Variants in PEBP4 observed in about 807,000 individuals in gnomAD.
The protein encoded by PEBP4 is phosphatidylethanolamine-binding protein 4.
Under a neutral mutation model 23.9 loss-of-function variants are expected in PEBP4, and 22 were observed. The ratio of observed to expected loss-of-function variants is 0.92; its 90% CI spans 0.66 to 1.31. PEBP4 has a LOEUF of 1.31. Ranked by LOEUF, PEBP4 falls within the 40% of genes most tolerant of loss-of-function variation. The pLI is 0.00. For missense variants in PEBP4, 324 were observed against 281.7 expected, an observed-to-expected ratio of 1.15 and a Z score of -1.07; for synonymous variants, 112 against 99.3, an observed-to-expected ratio of 1.13 and a Z score of -0.76.
At chr8:22,910,994 C>T (rs1000688632) in intron 3 of PEBP4, among the ~76,000 whole-genome samples, 10 of 151,828 alleles carry the variant, frequency 6.6e-5, no homozygotes, top group African/African-American at 9.7e-5. Flanking sequence ...ACAAATGCAC[C>T]GCTCTGGTGG....
intron 6 of PEBP4, among the ~76,000 whole-genome samples, chr8:22,716,785 G>A (rs1804428243): frequency 6.6e-6 from 1 of 152,216 alleles, no homozygotes; most frequent in African/African-American, 2.4e-5. Flanking sequence ...TGGGGGATCG[G>A]CTCCCCTGCC....
intron 2 of PEBP4, among the ~76,000 whole-genome samples, chr8:22,921,737 C>A (rs1809205409): frequency 2.0e-5 from 3 of 152,212 alleles, no homozygotes; most frequent in African/African-American, 7.2e-5. Context: ...TACAGCAATT[C>A]TTGGTGGATG....
At chr8:22,886,410 T>C (rs1808376804) in intron 3 of PEBP4, 1 of 152,226 alleles carries the variant, frequency 6.6e-6, no homozygotes, top group Non-Finnish European at 1.5e-5. Context: ...GAAGGCTTCT[T>C]AAATTCCCCA....
rs1397891429 is a variant in PEBP4, at chr8:22,925,098, A to G, written c.131+2486T>C. Reference sequence around the variant, plus strand: ...GTCCTGCTGTCTCCTCAGGGGTCCGATCTGTCCTTGATGCATTTTTCATTT... The same window carrying G: ...GTCCTGCTGTCTCCTCAGGGGTCCGGTCTGTCCTTGATGCATTTTTCATTT... On this transcript the variant is annotated intron_variant, in intron 2 of 6. Transcript: ENST00000256404. The G allele has an allele frequency of 4.1e-6, 4 of 985,240 alleles. No individual in the cohort carries two copies. In the African/African-American group the frequency reaches 7.0e-5, roughly 17 times the overall value. 61.0% of individuals were successfully genotyped at this position (985,240 alleles called of 1,614,324 possible).
intron 3 of PEBP4, among the ~76,000 whole-genome samples, chr8:22,870,477 T>A (rs1807986147): frequency 6.6e-6 from 1 of 152,156 alleles, no homozygotes; most frequent in Admixed American, 6.5e-5. Flanking sequence ...TTTTAGACAG[T>A]GAAATTGCTC....
chr8:22,781,478 C>T (rs1402532344), intron 4 of PEBP4, among the ~76,000 whole-genome samples: 4 of 152,168 alleles, frequency 2.6e-5, no homozygotes, highest in African/African-American at 9.7e-5. Context: ...ATTTTCTCAG[C>T]ATCACAGCTC....
intron 4 of PEBP4, among the ~76,000 whole-genome samples, chr8:22,740,719 G>A (rs1196303044): frequency 2.0e-5 from 3 of 152,092 alleles, no homozygotes; most frequent in Admixed American, 1.3e-4. Flanking sequence ...TCCCCCTGTG[G>A]CCCCAGCTCT....
At chr8:22,846,498 T>C (rs903861157) in intron 3 of PEBP4, among the ~76,000 whole-genome samples, 2 of 152,158 alleles carry the variant, frequency 1.3e-5, no homozygotes, top group East Asian at 3.8e-4. Context: ...ACCCTAAACC[T>C]ACCTTTTCAC....
intron 1 of PEBP4, among the ~76,000 whole-genome samples, chr8:22,933,320 C>A (rs1265861744): frequency 6.6e-6 from 1 of 152,120 alleles, no homozygotes; most frequent in East Asian, 1.9e-4. Context: ...CCAAGAAGCT[C>A]AAGGAATTTC....
intron 4 of PEBP4, among the ~76,000 whole-genome samples, chr8:22,747,784 C>T (rs529520829): frequency 1.3e-5 from 2 of 152,276 alleles, no homozygotes; most frequent in African/African-American, 4.8e-5. Context: ...GCTGTTCCAA[C>T]GATGGACTTC....
intron 3 of PEBP4, among the ~76,000 whole-genome samples, chr8:22,908,726 G>A (rs967912927): frequency 3.9e-5 from 6 of 152,136 alleles, no homozygotes; most frequent in South Asian, 4.1e-4. Context: ...CTAGGTATTC[G>A]TACTCAGGAA....
chr8:22,771,308 G>A (rs1211306058), intron 4 of PEBP4, among the ~76,000 whole-genome samples: 1 of 152,148 alleles, frequency 6.6e-6, no homozygotes, highest in Middle Eastern at 3.2e-3. Context: ...AGCCAACATG[G>A]TGAAACCCTG....
intron 4 of PEBP4, among the ~76,000 whole-genome samples, chr8:22,730,981 C>T (rs993372081): frequency 3.3e-5 from 5 of 152,164 alleles, no homozygotes; most frequent in African/African-American, 4.8e-5. Context: ...CTGCTGCCTC[C>T]CCCAGCCCAG....
At chr8:22,719,808 G>A (rs1009753397) in intron 6 of PEBP4, among the ~76,000 whole-genome samples, 8 of 152,168 alleles carry the variant, frequency 5.3e-5, no homozygotes, top group African/African-American at 1.9e-4. Flanking sequence ...GGGCAGGGTG[G>A]CTGGTGGAGA....
chr8:22,810,169 C>T (rs1046937946), intron 4 of PEBP4, among the ~76,000 whole-genome samples: 1 of 152,228 alleles, frequency 6.6e-6, no homozygotes, highest in Admixed American at 6.5e-5. Context: ...CATTCCTTCT[C>T]GTGTGTCCGT....
At chr8:22,851,490 T>C (rs926100319) in intron 3 of PEBP4, among the ~76,000 whole-genome samples, 1 of 152,070 alleles carries the variant, frequency 6.6e-6, no homozygotes, top group Non-Finnish European at 1.5e-5. Context: ...TATAACCTTA[T>C]TATAGGACAG....
intron 4 of PEBP4, among the ~76,000 whole-genome samples, chr8:22,730,652 G>A (rs1388770225): frequency 6.6e-6 from 1 of 152,228 alleles, no homozygotes; most frequent in Non-Finnish European, 1.5e-5. Flanking sequence ...GGAGAAACCT[G>A]TAGTTTTGAG....
At chr8:22,739,665 C>T (rs2128750280) in intron 4 of PEBP4, among the ~76,000 whole-genome samples, 1 of 152,236 alleles carries the variant, frequency 6.6e-6, no homozygotes, top group South Asian at 2.1e-4. Context: ...GACTGATGCC[C>T]CCCTCCCCAC....
At chr8:22,813,112 G>C (rs1490677481) in intron 4 of PEBP4, among the ~76,000 whole-genome samples, 7 of 152,128 alleles carry the variant, frequency 4.6e-5, no homozygotes, top group Non-Finnish European at 1.5e-5. Context: ...AAAGCACTTA[G>C]AAGCCCTTAG....
Sources: allele counts gnomAD v4.1 joint callset (sites outside exome capture counted in the v4.1 genomes callset), GRCh38; gene constraint gnomAD v4.1.1; transcripts MANE v1.5; gene names NCBI Gene and HGNC (gene_info 2026-07-23, HGNC 2026-07-21).